The following GPR31 variants were observed in gnomAD, a reference collection of about 807,000 sequenced individuals.
GPR31 encodes the protein G protein-coupled receptor 31, also known as 12-(S)-hydroxy-5,8,10,14-eicosatetraenoic acid receptor.
For synonymous variants in GPR31, 209 were observed against 183.8 expected, an observed-to-expected ratio of 1.14 and a Z score of -1.11; for missense variants, 394 against 400.5, an observed-to-expected ratio of 0.98 and a Z score of 0.14.
chr6:167,157,124 C>A lies in GPR31; in HGVS notation c.708G>T (p.Leu236=), dbSNP rs943032412. 1.2e-6 allele frequency: 2 copies of A among 1,614,106 alleles called. No homozygotes were observed. Among genetic ancestry groups the A allele is most frequent in the Non-Finnish European group, 1.7e-6 (2 of 1,180,054 alleles). ...TCAGGACTCTGGCCAGGAAGCAGGGCAGAAAGCACAGAGCAAACAGCACCA... is the reference window on the plus strand; with the variant it reads ...TCAGGACTCTGGCCAGGAAGCAGGGAAGAAAGCACAGAGCAAACAGCACCA... ...LVVVLFALCF[L]PCFLARVLMH... is the part of the protein sequence containing the mutation. The change falls in exon 1 of 1, where the codon CTG becomes CTT. Residue 236 remains leucine (L), a synonymous_variant. Transcript: ENST00000366834.
chr6:167,157,506 G>T lies in GPR31; in HGVS notation c.326C>A (p.Ala109Asp). The T allele has an allele frequency of 6.2e-7, 1 of 1,613,364 alleles. No individual in the cohort carries two copies. The highest frequency in any genetic ancestry group is 8.5e-7 in the Non-Finnish European group (1 of 1,179,750). The change falls in exon 1 of 1, where the codon GCT (alanine) becomes GAT (aspartate). Residue 109 changes from alanine (A) to aspartate (D), a missense_variant. Coordinates refer to ENST00000366834, the MANE Select transcript of GPR31 (RefSeq NM_005299.3). ...SVGMAFLAAV[A>D]LDRYLRVVHP... ...GACCACACGGAGGTACCGGTCCAAAGCCACGGCGGCCAGGAAGGCCATCCC... is the reference window on the plus strand; with the variant it reads ...GACCACACGGAGGTACCGGTCCAAATCCACGGCGGCCAGGAAGGCCATCCC...
rs368186408 is a variant in GPR31, at chr6:167,156,867, T to A, written c.*5A>T. 3 of 1,568,674 alleles carry A rather than the reference T, an allele frequency of 1.9e-6. No individual in the cohort carries two copies. Among genetic ancestry groups the A allele is most frequent in the African/African-American group, 2.7e-5 (2 of 73,008 alleles). ...AAACACGGGCGTTGAGGACGCTGGC[T>A]GTTGTCAGGAATAGGAGTCTCTGGG... On this transcript the variant is annotated 3_prime_UTR_variant, in exon 1 of 1. Coordinates refer to ENST00000366834, the MANE Select transcript of GPR31 (RefSeq NM_005299.3). This position sits in a 1 kb window ranked among gnomAD's most constrained non-coding sequence, Gnocchi z 4.5.
chr6:167,157,895 C>A lies in GPR31; in HGVS notation c.-64G>T. Reference sequence around the variant, plus strand: ...GTACAGGAGGAACTCTGTGCTCTTTCTTACAAAATGAAAGAAAAGGCCTTT... The same window carrying A: ...GTACAGGAGGAACTCTGTGCTCTTTATTACAAAATGAAAGAAAAGGCCTTT... On this transcript the variant is annotated 5_prime_UTR_variant, in exon 1 of 1. Transcript: ENST00000366834. 1 of 1,486,898 alleles carries A rather than the reference C, an allele frequency of 6.7e-7. No homozygotes were observed. The highest frequency in any genetic ancestry group is 1.4e-5 in the South Asian group (1 of 72,968). 92.1% of individuals were successfully genotyped at this position (1,486,898 alleles called of 1,614,324 possible). A position where few individuals can be genotyped will look rare whatever the true frequency, so the allele number is the denominator to read the frequency against.
chr6:167,157,091 G>T lies in GPR31; in HGVS notation c.741C>A (p.Ile247=). The T allele has an allele frequency of 6.2e-7, 1 of 1,614,212 alleles. No individual in the cohort carries two copies. Among genetic ancestry groups the T allele is most frequent in the South Asian group, 1.1e-5 (1 of 91,086 alleles). The change falls in exon 1 of 1, where the codon ATC becomes ATA. Residue 247 remains isoleucine, a synonymous_variant. Transcript: ENST00000366834. ...CCCTGCAGCTCCCCAGATTCTGGAA[G>T]ATGTGCATCAGGACTCTGGCCAGGA... ...PCFLARVLMH[I]FQNLGSCRAL...
Position 167,156,770 on chromosome 6 carries a change from GTCTTAAGACT to G in GPR31, c.*92_*101del. The stretch of plus-strand genomic sequence containing the variant: ...TTTATGCTCTGATCCTTGTATTGCA[GTCTTAAGACT>G]TCTTCTTCTTCCAGAATCCCAAAGT... On this transcript the variant is annotated 3_prime_UTR_variant, in exon 1 of 1. Coordinates refer to ENST00000366834, the MANE Select transcript of GPR31 (RefSeq NM_005299.3). This position sits in a 1 kb window ranked among gnomAD's most constrained non-coding sequence, Gnocchi z 4.5. The G allele has an allele frequency of 7.8e-7, 1 of 1,286,050 alleles. No homozygotes were observed. The allele number at this position is 1,286,050 out of a possible 1,614,324, so 79.7% of individuals were successfully genotyped here. A position where few individuals can be genotyped will look rare whatever the true frequency, so the allele number is the denominator to read the frequency against.
chr6:167,157,787 T>A lies in GPR31; in HGVS notation c.45A>T (p.Thr15=). The A allele has an allele frequency of 6.2e-7, 1 of 1,612,574 alleles. No individual in the cohort carries two copies. Among genetic ancestry groups the A allele is most frequent in the South Asian group, 1.1e-5 (1 of 90,934 alleles). ...NCSAPSTVVA[T]AVGVLLGLEC... is the part of the protein sequence containing the mutation. ...CCAGCCCCAGCAAGACACCCACAGC[T>A]GTGGCCACCACAGTGCTGGGGGCTG... The change falls in exon 1 of 1, where the codon ACA becomes ACT. Residue 15 remains threonine (T), a synonymous_variant. Coordinates refer to ENST00000366834, the MANE Select transcript of GPR31 (RefSeq NM_005299.3).
At position 167,157,349 on chromosome 6, in the gene GPR31, C is replaced by T. The variant is rs1392546502; in HGVS notation, c.483G>A (p.Arg161=). 6.2e-7 allele frequency: 1 copy of T among 1,613,762 alleles called. No homozygotes were observed. Among genetic ancestry groups the T allele is most frequent in the African/African-American group, 1.3e-5 (1 of 74,904 alleles). ...LISEAAQNST[R]CHSFYSRADG... Reference sequence around the variant, plus strand: ...CTGCCCTGGAGTAGAAACTGTGGCACCTGGTGGAGTTCTGGGCGGCCTCAG... The same window carrying T: ...CTGCCCTGGAGTAGAAACTGTGGCATCTGGTGGAGTTCTGGGCGGCCTCAG... Residue 161 remains arginine (R), a synonymous_variant, in exon 1 of 1, where the codon AGG becomes AGA. Transcript: ENST00000366834.
At position 167,156,909 on chromosome 6, in the gene GPR31, T is replaced by C. The variant is rs766310521; in HGVS notation, c.923A>G (p.Glu308Gly). The C allele has an allele frequency of 3.7e-6, 6 of 1,610,484 alleles. No individual in the cohort carries two copies. The highest frequency in any genetic ancestry group is 5.1e-6 in the Non-Finnish European group (6 of 1,178,284). Residue 308 changes from glutamate (E) to glycine (G), a missense_variant, in exon 1 of 1, where the codon GAG becomes GGG. By Grantham distance (98) the Glu-to-Gly change is moderately conservative. Transcript: ENST00000366834. This position sits in a 1 kb window ranked among gnomAD's most constrained non-coding sequence, Gnocchi z 4.5. ...GTCTCTGGGGTTGAAATCTGGGGGC[T>C]CTGCTGCCTGCCCTTTGCCTCGGAG... ...HTLRGKGQAA[E>G]PPDFNPRDSY... is the part of the protein sequence containing the mutation.
rs993287454 is a variant in GPR31, at chr6:167,157,434, C to A, written c.398G>T (p.Gly133Val). ...CAGGAGCCAGACGAGGCCCGAGACC[C>A]CCAGGGCCGCCTGAGGAGACAGCAG... is the stretch of plus-strand genomic sequence containing the variant. The part of the protein sequence containing the change: ...VNLLSPQAAL[G>V]VSGLVWLLMV... Residue 133 changes from glycine to valine, a missense_variant, in exon 1 of 1, where the codon GGG becomes GTG. Transcript: ENST00000366834. The A allele has an allele frequency of 3.1e-6, 5 of 1,613,456 alleles. No homozygotes were observed. Among genetic ancestry groups the A allele is most frequent in the Non-Finnish European group, 4.2e-6 (5 of 1,179,970 alleles).
chr6:167,156,074 ATTGTGCACT>A lies in GPR31; in HGVS notation c.*789_*797del, dbSNP rs1178108080. On this transcript the variant is annotated 3_prime_UTR_variant, in exon 1 of 1. Coordinates refer to ENST00000366834, the MANE Select transcript of GPR31 (RefSeq NM_005299.3). The surrounding 1 kb of genome is among the most constrained non-coding windows in gnomAD (Gnocchi z 4.5). ...TTTCAAACACCACGTGATAGCTTAC[ATTGTGCACT>A]TCTCGCAGGAGGCATAAAGTTCTGT... is the stretch of plus-strand genomic sequence containing the variant. Among the ~76,000 whole-genome samples the A allele has an allele frequency of 1.3e-5, 2 of 152,164 alleles. No homozygotes were observed. The highest frequency in any genetic ancestry group is 2.9e-5 in the Non-Finnish European group (2 of 68,030).
rs755713845 is a variant in GPR31, at chr6:167,157,554, A to G, written c.278T>C (p.Leu93Pro). ...CCCCACGCTGCGGCTGAGGTCCAGC[A>G]GGAAGTGCAGGGCCCAGCAGCCCAC... ...GRVGCWALHF[L>P]LDLSRSVGMA... The change falls in exon 1 of 1, where the codon CTG becomes CCG. Residue 93 changes from leucine (L) to proline (P), a missense_variant. Physicochemically the swap from Leu to Pro is moderately conservative, Grantham distance 98. Coordinates refer to ENST00000366834, the MANE Select transcript of GPR31 (RefSeq NM_005299.3). 10 of 1,610,216 alleles carry G rather than the reference A, an allele frequency of 6.2e-6. No individual in the cohort carries two copies. The highest frequency in any genetic ancestry group is 1.3e-5 in the African/African-American group (1 of 74,854).
chr6:167,157,812 G>A lies in GPR31; in HGVS notation c.20C>T (p.Ser7Leu), dbSNP rs1479117360. 7 of 1,609,748 alleles carry A rather than the reference G, an allele frequency of 4.3e-6. No homozygotes were observed. The highest frequency in any genetic ancestry group is 8.5e-7 in the Non-Finnish European group (1 of 1,178,170). Residue 7 changes from serine (S) to leucine (L), a missense_variant, in exon 1 of 1, where the codon TCA (serine) becomes TTA (leucine). By Grantham distance (145) the Ser-to-Leu change is moderately radical (BLOSUM62 -2). Transcript: ENST00000366834. MPFPNC[S>L]APSTVVATAV... is the part of the protein sequence containing the mutation. Reference sequence around the variant, plus strand: ...TGTGGCCACCACAGTGCTGGGGGCTGAGCAGTTTGGGAATGGCATCACCCG... The same window carrying A: ...TGTGGCCACCACAGTGCTGGGGGCTAAGCAGTTTGGGAATGGCATCACCCG...
rs1035950627 is a variant in GPR31, at chr6:167,156,179, A to T, written c.*693T>A. The T allele has an allele frequency of 3.3e-5, 5 of 152,258 alleles. No individual in the cohort carries two copies. Among genetic ancestry groups the T allele is most frequent in the African/African-American group, 9.6e-5 (4 of 41,460 alleles). The allele number at this position is 152,258 out of a possible 1,614,324, so 9.4% of individuals were successfully genotyped here. The stretch of plus-strand genomic sequence containing the variant: ...TTTTAGACATTCAAACTTAAAAAAC[A>T]GCTCTAGAGGCAAATTCCAGAAACG... On this transcript the variant is annotated 3_prime_UTR_variant, in exon 1 of 1. Transcript: ENST00000366834. This position sits in a 1 kb window ranked among gnomAD's most constrained non-coding sequence, Gnocchi z 4.5.
Position 167,157,573 on chromosome 6 carries a change from A to T in GPR31, c.259T>A (p.Cys87Ser). 1.2e-6 allele frequency: 2 copies of T among 1,610,784 alleles called. No homozygotes were observed. The highest frequency in any genetic ancestry group is 1.7e-6 in the Non-Finnish European group (2 of 1,177,682). Residue 87 changes from cysteine (C) to serine (S), a missense_variant, in exon 1 of 1, where the codon TGC (cysteine) becomes AGC (serine). Transcript: ENST00000366834. ...TCCAGCAGGAAGTGCAGGGCCCAGCAGCCCACACGGCCCAGATGCCAAGCC... is the reference window on the plus strand; with the variant it reads ...TCCAGCAGGAAGTGCAGGGCCCAGCTGCCCACACGGCCCAGATGCCAAGCC... ...LQAWHLGRVG[C>S]WALHFLLDLS...
Position 167,156,930 on chromosome 6 carries a change from C to G in GPR31, c.902G>C (p.Arg301Pro). The change falls in exon 1 of 1, where the codon CGA becomes CCA. Residue 301 changes from arginine (R) to proline (P), a missense_variant. Physicochemically the swap from Arg to Pro is moderately radical, Grantham distance 103. Transcript: ENST00000366834. This position sits in a 1 kb window ranked among gnomAD's most constrained non-coding sequence, Gnocchi z 4.5. ...GGGCTCTGCTGCCTGCCCTTTGCCT[C>G]GGAGGGTGTGGAAGACCCTCCGATA... ...SSYRRVFHTLRGKGQAAEPPD... is the reference protein window; with the variant it reads ...SSYRRVFHTLPGKGQAAEPPD... 6.2e-7 allele frequency: 1 copy of G among 1,613,822 alleles called. No individual in the cohort carries two copies. The highest frequency in any genetic ancestry group is 8.5e-7 in the Non-Finnish European group (1 of 1,179,840).
rs1295755650 is a variant in GPR31 at position 167,156,416 on chromosome 6, G to A, written c.*456C>T. On this transcript the variant is annotated 3_prime_UTR_variant, in exon 1 of 1. Coordinates refer to ENST00000366834, the MANE Select transcript of GPR31 (RefSeq NM_005299.3). This position sits in a 1 kb window ranked among gnomAD's most constrained non-coding sequence, Gnocchi z 4.5. ...ATGTCGGTCATCCCCAGTCTGCACA[G>A]CAGGTGGGAAGAAAACATAGTTTTT... 6.4e-6 allele frequency: 1 copy of A among 155,290 alleles called. No individual in the cohort carries two copies. The highest frequency in any genetic ancestry group is 1.4e-5 in the Non-Finnish European group (1 of 70,394). The allele number at this position is 155,290 out of a possible 1,614,324, so 9.6% of individuals were successfully genotyped here. A position where few individuals can be genotyped will look rare whatever the true frequency, so the allele number is the denominator to read the frequency against.
Position 167,156,769 on chromosome 6 carries a change from A to C in GPR31, c.*103T>G. The C allele has an allele frequency of 8.0e-7, 1 of 1,243,246 alleles. No individual in the cohort carries two copies. Among genetic ancestry groups the C allele is most frequent in the Non-Finnish European group, 1.1e-6 (1 of 885,470 alleles). 77.0% of individuals were successfully genotyped at this position (1,243,246 alleles called of 1,614,324 possible). A position where few individuals can be genotyped will look rare whatever the true frequency, so the allele number is the denominator to read the frequency against. On this transcript the variant is annotated 3_prime_UTR_variant, in exon 1 of 1. Transcript: ENST00000366834. The surrounding 1 kb of genome is among the most constrained non-coding windows in gnomAD (Gnocchi z 4.5). ...GTTTATGCTCTGATCCTTGTATTGC[A>C]GTCTTAAGACTTCTTCTTCTTCCAG... is the stretch of plus-strand genomic sequence containing the variant.
chr6:167,157,812 G>T lies in GPR31; in HGVS notation c.20C>A (p.Ser7Ter). The stretch of plus-strand genomic sequence containing the variant: ...TGTGGCCACCACAGTGCTGGGGGCT[G>T]AGCAGTTTGGGAATGGCATCACCCG... MPFPNCSAPSTVVATAV... is the reference protein window; with the variant it reads MPFPNC The change falls in exon 1 of 1, where the codon TCA becomes TAA. Residue 7 changes from serine to a stop codon, truncating the protein, a stop_gained. Transcript: ENST00000366834. LOFTEE classifies it low-confidence loss of function (END_TRUNC). 6.2e-7 allele frequency: 1 copy of T among 1,609,748 alleles called. No individual in the cohort carries two copies. Among genetic ancestry groups the T allele is most frequent in the South Asian group, 1.1e-5 (1 of 90,536 alleles).
Position 167,155,647 on chromosome 6 carries a change from G to T in GPR31, c.*1225C>A, listed in dbSNP as rs1280927820. Among the ~76,000 whole-genome samples, 1 of 152,240 alleles carries T rather than the reference G, an allele frequency of 6.6e-6. No homozygotes were observed. The highest frequency in any genetic ancestry group is 1.5e-5 in the Non-Finnish European group (1 of 68,048). The stretch of plus-strand genomic sequence containing the variant: ...ATTTAGTACAAAAGTGTTTTATCGT[G>T]TTAGGAGATAAAGAATAGTTTCTGC... On this transcript the variant is annotated 3_prime_UTR_variant, in exon 1 of 1. Transcript: ENST00000366834.
Sources: gnomAD v4.1 joint callset for allele counts (sites outside exome capture counted in the v4.1 genomes callset) on GRCh38, gnomAD v4.1.1 for gene constraint, Gnocchi (gnomAD v3.1) non-coding constraint, MANE v1.5 for transcripts, NCBI Gene and HGNC (gene_info 2026-07-23, HGNC 2026-07-21) for gene names.